Variants in PGAP4 observed in about 807,000 individuals in gnomAD.
PGAP4 encodes the protein post-GPI attachment to proteins GalNAc transferase 4.
PGAP4 carries 12 observed loss-of-function variants against 28.2 expected under a neutral mutation model. The observed-to-expected ratio is 0.42, with a 90% confidence interval of 0.27 to 0.69. The LOEUF is 0.69. Among genes scored for constraint, PGAP4 ranks in the 30% least tolerant of loss-of-function variants. The probability of loss-of-function intolerance (pLI) is 0.22; values close to 1 mark genes in which losing one functional copy is unlikely to be tolerated. For synonymous variants in PGAP4, 205 were observed against 211.8 expected, an observed-to-expected ratio of 0.97 and a Z score of 0.28; for missense variants, 425 against 513.5, an observed-to-expected ratio of 0.83 and a Z score of 1.67.
intron 1 of PGAP4, among the ~76,000 whole-genome samples, chr9:101,478,962 A>T (rs565666093): frequency 2.0e-5 from 3 of 152,318 alleles, no homozygotes; most frequent in African/African-American, 7.2e-5. Flanking sequence ...TGACATGGTT[A>T]ATTTCTCAAG....
rs11546567 is a variant in PGAP4, at chr9:101,477,039, G to C, written c.54C>G (p.Leu18=). The change falls in exon 2 of 2, where the codon CTC becomes CTG. Residue 18 remains leucine, a synonymous_variant. Coordinates refer to ENST00000374848, the MANE Select transcript of PGAP4 (RefSeq NM_032342.3). ...GCTGGACAGCAGTGCTGCCCCAGGA[G>C]AGTCGCCGCAGCCTCCGGAGGAGCA... is the stretch of plus-strand genomic sequence containing the variant. The part of the protein sequence containing the change: ...AAMLLRRLRR[L]SWGSTAVQLF... 0.12 allele frequency: 194,410 copies of C among 1,611,508 alleles called. 12,889 individuals carry two copies. Among genetic ancestry groups the C allele is most frequent in the Admixed American group, 0.18 (10,781 of 59,866 alleles).
At chr9:101,504,205 G>GTTTTTT (rs373740296) in intron 2 of PGAP4, among the ~76,000 whole-genome samples, 6 of 34,550 alleles carry the variant, frequency 1.7e-4, no homozygotes, top group Non-Finnish European at 2.4e-4. Flanking sequence ...GTGTGTGTGT[G>GTTTTTT]TTTGTTTTTT....
chr9:101,496,413 TA>T (rs1447337276), intron 2 of PGAP4, among the ~76,000 whole-genome samples: 1 of 151,592 alleles, frequency 6.6e-6, no homozygotes, highest in Non-Finnish European at 1.5e-5. Flanking sequence ...ATATATATTT[TA>T]GAATTAAAAA....
At chr9:101,489,846 G>A (rs1013368361), upstream of PGAP4, among the ~76,000 whole-genome samples, 1 of 152,116 alleles carries the variant, frequency 6.6e-6, no homozygotes, top group Non-Finnish European at 1.5e-5. Context: ...TATAAAAATT[G>A]AACAAACCTT....
intron 2 of PGAP4, among the ~76,000 whole-genome samples, chr9:101,498,516 T>C (rs1211365241): frequency 6.6e-6 from 1 of 150,930 alleles, no homozygotes; most frequent in African/African-American, 2.4e-5. Context: ...TTTTTTTTAA[T>C]CTTGGCTGGA....
At chr9:101,531,090 C>T (rs1415296743) in intron 2 of PGAP4, 1 of 152,076 alleles carries the variant, frequency 6.6e-6, no homozygotes, top group Admixed American at 6.6e-5. Flanking sequence ...TTTCCTGGGG[C>T]TCCAGGTTGC....
chr9:101,479,384 A>C (rs1826416763), intron 1 of PGAP4, among the ~76,000 whole-genome samples: 1 of 152,234 alleles, frequency 6.6e-6, no homozygotes, highest in Non-Finnish European at 1.5e-5. Flanking sequence ...GAGCTGGATC[A>C]ATCTAGAGGA....
intron 2 of PGAP4, among the ~76,000 whole-genome samples, chr9:101,507,200 C>T (rs1394512746): frequency 6.6e-6 from 1 of 152,084 alleles, no homozygotes; most frequent in Non-Finnish European, 1.5e-5. Context: ...TTGACTCTCT[C>T]TTGCAATATG....
At chr9:101,479,107 T>A (rs5007298) in intron 1 of PGAP4, among the ~76,000 whole-genome samples, 25,327 of 152,226 alleles carry the variant, frequency 0.17, 2,395 homozygotes, top group South Asian at 0.25. Flanking sequence ...GTTTGAATTA[T>A]GCAACCCCAG....
At chr9:101,489,637 T>C (rs919900874), upstream of PGAP4, among the ~76,000 whole-genome samples, 2 of 152,144 alleles carry the variant, frequency 1.3e-5, no homozygotes, top group Admixed American at 1.3e-4. Flanking sequence ...TAACTCTACT[T>C]TCTTCTGCCA....
chr9:101,503,659 G>C (rs994237939), intron 2 of PGAP4, among the ~76,000 whole-genome samples: 1 of 151,870 alleles, frequency 6.6e-6, no homozygotes, highest in African/African-American at 2.4e-5. Context: ...AAAAGTTCTG[G>C]GGTGGGAGGT....
At chr9:101,531,195 TACACAC>T (rs367760603) in intron 2 of PGAP4, 5,078 of 137,468 alleles carry the variant, frequency 0.037, 174 homozygotes, top group African/African-American at 0.099. Context: ...AATCTCTTTC[TACACAC>T]ACACACACAC....
chr9:101,495,437 A>T lies in PGAP4; in HGVS notation c.-164-6237T>A, dbSNP rs977480885. Among the ~76,000 whole-genome samples the T allele has an allele frequency of 1.6e-4, 22 of 135,260 alleles. 2 individuals carry two copies. Among genetic ancestry groups the T allele is most frequent in the African/African-American group, 5.8e-4 (21 of 36,314 alleles). The allele number at this position is 135,260 out of a possible 152,430, so 88.7% of individuals were successfully genotyped here. A position where few individuals can be genotyped will look rare whatever the true frequency, so the allele number is the denominator to read the frequency against. The stretch of plus-strand genomic sequence containing the variant: ...TATATTATATATGCTTATATTTTAT[A>T]TATAATATATATTATATATACTTAT... On this transcript the variant is annotated intron_variant, in intron 2 of 3. Transcript: ENST00000374851.
intron 1 of PGAP4, among the ~76,000 whole-genome samples, chr9:101,485,836 C>T (rs1252802748): frequency 6.6e-6 from 1 of 152,078 alleles, no homozygotes; most frequent in Non-Finnish European, 1.5e-5. Flanking sequence ...ATCCTTACAA[C>T]ATTCTAATAA....
chr9:101,479,059 T>C (rs903035091), intron 1 of PGAP4, among the ~76,000 whole-genome samples: 5 of 152,080 alleles, frequency 3.3e-5, no homozygotes, highest in African/African-American at 9.7e-5. Context: ...TACTAAGAGA[T>C]CTGGATAGTA....
intron 2 of PGAP4, among the ~76,000 whole-genome samples, chr9:101,498,061 T>G (rs911066061): frequency 6.6e-6 from 1 of 151,838 alleles, no homozygotes; most frequent in African/African-American, 2.4e-5. Context: ...GGTAAGACTG[T>G]GGACCAAAAT....
chr9:101,526,207 G>A (rs185173936), intron 2 of PGAP4, among the ~76,000 whole-genome samples: 1 of 152,208 alleles, frequency 6.6e-6, no homozygotes, highest in Non-Finnish European at 1.5e-5. Flanking sequence ...GATCTAATTA[G>A]CCTTGGCCAT....
chr9:101,526,476 G>C (rs34153995), intron 2 of PGAP4, among the ~76,000 whole-genome samples: 1 of 151,852 alleles, frequency 6.6e-6, no homozygotes, highest in East Asian at 1.9e-4. Flanking sequence ...TTGGGATGGC[G>C]TCTGACTCTC....
intron 2 of PGAP4, among the ~76,000 whole-genome samples, chr9:101,516,256 T>A (rs569846214): frequency 6.6e-6 from 1 of 152,284 alleles, no homozygotes; most frequent in Non-Finnish European, 1.5e-5. Context: ...AAAAAGTCTG[T>A]CTCATCAATA....
Sources: allele counts gnomAD v4.1 joint callset (sites outside exome capture counted in the v4.1 genomes callset), GRCh38; gene constraint gnomAD v4.1.1; transcripts MANE v1.5; gene names NCBI Gene and HGNC (gene_info 2026-07-23, HGNC 2026-07-21).